Variants in EVL observed in about 807,000 individuals in gnomAD.
The protein encoded by EVL is ena/VASP-like protein.
Under a neutral mutation model 59.6 loss-of-function variants are expected in EVL, and 21 were observed. That is an observed-to-expected ratio of 0.35 (90% confidence interval 0.25 to 0.51). The LOEUF is 0.51. EVL is among the 20% of genes least tolerant of loss of function. EVL has a pLI of 0.97. For synonymous variants in EVL, 198 were observed against 203.5 expected (o/e 0.97, Z 0.23); for missense variants, 462 against 546.6 (o/e 0.85, Z 1.54).
chr14:100,052,696 T>G (rs552667089), intron 1 of EVL: 1 of 151,264 alleles, frequency 6.6e-6, no homozygotes, highest in African/African-American at 2.4e-5. Context: ...GAGGTTGCAG[T>G]GAGCAGAGAT....
intron 1 of EVL, among the ~76,000 whole-genome samples, chr14:100,084,209 G>C (rs2062383561): frequency 6.6e-6 from 1 of 151,976 alleles, no homozygotes; most frequent in African/African-American, 2.4e-5. Flanking sequence ...GTGCCACCGT[G>C]CCTGGCTAAT....
intron 2 of EVL, among the ~76,000 whole-genome samples, chr14:100,096,090 G>T (rs1428866830): frequency 6.6e-6 from 1 of 152,104 alleles, no homozygotes; most frequent in East Asian, 1.9e-4. Context: ...CCCTGCCTGT[G>T]CCTGTCATAG....
intron 3 of EVL, among the ~76,000 whole-genome samples, chr14:100,111,172 T>TC (rs1491036343): frequency 7.1e-6 from 1 of 140,146 alleles, no homozygotes; most frequent in African/African-American, 2.7e-5. Context: ...TTTTTTTTTT[T>TC]TGTGATAGAG....
At chr14:100,097,680 C>T (rs2140320560) in intron 3 of EVL, 22 bp downstream of exon 3, 2 of 1,585,322 alleles carry the variant, frequency 1.3e-6, no homozygotes, top group South Asian at 2.3e-5. Context: ...TTTGTCTTGG[C>T]CTGATGCTGA....
Position 100,143,791 on chromosome 14 carries a change from GC to G in EVL, c.*55del. The stretch of plus-strand genomic sequence containing the variant: ...CGAGCCCATCCGGCGACAGAGGACA[GC>G]CAGAAGCCCAGCCAGCCCCAGACTC... On this transcript the variant is annotated 3_prime_UTR_variant, in exon 14 of 14. Coordinates refer to ENST00000392920, the MANE Select transcript of EVL (RefSeq NM_016337.3). 6.3e-7 allele frequency: 1 copy of G among 1,593,140 alleles called. No individual in the cohort carries two copies. The highest frequency in any genetic ancestry group is 1.7e-5 in the Admixed American group (1 of 58,134).
intron 1 of EVL, among the ~76,000 whole-genome samples, chr14:99,975,415 A>G (rs896657251): frequency 1.3e-5 from 2 of 152,202 alleles, no homozygotes; most frequent in African/African-American, 2.4e-5. Context: ...ATCATCAGCC[A>G]TAAGTACTTC....
At chr14:100,024,079 A>G (rs2061171511) in intron 1 of EVL, among the ~76,000 whole-genome samples, 1 of 152,228 alleles carries the variant, frequency 6.6e-6, no homozygotes, top group African/African-American at 2.4e-5. Flanking sequence ...TAGTGTACCA[A>G]GATCTGAAAT....
chr14:100,100,537 T>TC (rs1394271203), intron 3 of EVL, among the ~76,000 whole-genome samples: 1 of 152,056 alleles, frequency 6.6e-6, no homozygotes, highest in Non-Finnish European at 1.5e-5. Flanking sequence ...CAAAAGGCCC[T>TC]CCCCGCAGTC....
At chr14:100,079,135 G>C (rs976094680) in intron 1 of EVL, among the ~76,000 whole-genome samples, 46 of 152,222 alleles carry the variant, frequency 3.0e-4, no homozygotes, top group African/African-American at 1.1e-3. Context: ...TGCACCTTTA[G>C]AGGCAGCAGA....
At chr14:100,142,855 G>T (rs1232152117) in intron 13 of EVL, among the ~76,000 whole-genome samples, 1 of 152,236 alleles carries the variant, frequency 6.6e-6, no homozygotes, top group African/African-American at 2.4e-5. Flanking sequence ...GCATAGCTGG[G>T]TCAGAAACCC....
At chr14:100,047,114 CTCTCT>C (rs66960494) in intron 1 of EVL, among the ~76,000 whole-genome samples, 40,757 of 94,578 alleles carry the variant, frequency 0.43, 13,595 homozygotes, top group Non-Finnish European at 0.57. Context: ...GCAGATCTCT[CTCTCT>C]TTTTTTTTTT....
intron 1 of EVL, among the ~76,000 whole-genome samples, chr14:100,071,402 T>A: frequency 6.6e-6 from 1 of 152,226 alleles, no homozygotes; most frequent in East Asian, 1.9e-4. Flanking sequence ...ATAATATTAC[T>A]AAGACATCAT....
At chr14:100,123,067 C>T (rs1887801246) in intron 3 of EVL, among the ~76,000 whole-genome samples, 1 of 152,214 alleles carries the variant, frequency 6.6e-6, no homozygotes. Context: ...CATCCGCCAG[C>T]TGTCAGTGTC....
At chr14:99,998,935 G>A (rs1281532821) in intron 1 of EVL, among the ~76,000 whole-genome samples, 1 of 151,942 alleles carries the variant, frequency 6.6e-6, no homozygotes, top group Non-Finnish European at 1.5e-5. Context: ...ACTATGTGGT[G>A]TATAATATTA....
rs527810359 is a variant in EVL at position 100,006,579 on chromosome 14, G to A, written c.5+34522G>A. On this transcript the variant is annotated intron_variant, in intron 1 of 13. Transcript: ENST00000402714. ...TGGGATTACAGGTGTGAGCCACTGC[G>A]CCCGGCATGTTAATCTTAACTTTAG... 5.3e-5 allele frequency among the ~76,000 whole-genome samples: 8 copies of A among 152,028 alleles called. No individual in the cohort carries two copies. In the South Asian group the frequency reaches 6.2e-4, roughly 12 times the overall value.
At chr14:100,097,258 C>T (rs1885877829) in intron 2 of EVL, among the ~76,000 whole-genome samples, 1 of 152,192 alleles carries the variant, frequency 6.6e-6, no homozygotes, top group Non-Finnish European at 1.5e-5. Context: ...GAGGTTGTAA[C>T]TACATAGCAT....
intron 1 of EVL, among the ~76,000 whole-genome samples, chr14:100,076,785 A>AG (rs2062172284): frequency 1.3e-5 from 2 of 152,152 alleles, no homozygotes; most frequent in Admixed American, 1.3e-4. Flanking sequence ...GACTAAGCCA[A>AG]GGGTTGGGTC....
Position 100,024,369 on chromosome 14 carries a change from C to T in EVL, c.5+52312C>T, listed in dbSNP as rs747265506. ...AAGAGCCCAAGCCAGCTTGGTCTCT[C>T]TCATTTTCCAGGCTCCTGTAGTACC... On this transcript the variant is annotated intron_variant, in intron 1 of 13. Coordinates refer to the EVL transcript ENST00000402714. 2.6e-5 allele frequency among the ~76,000 whole-genome samples: 4 copies of T among 152,334 alleles called. No individual in the cohort carries two copies. The South Asian group carries it at 8.3e-4, about 32-fold the overall frequency.
chr14:99,978,666 T>G (rs1385764458), intron 1 of EVL, among the ~76,000 whole-genome samples: 1 of 152,232 alleles, frequency 6.6e-6, no homozygotes, highest in African/African-American at 2.4e-5. Flanking sequence ...TGTTGTCAGT[T>G]GATTTGATTT....
Sources: gnomAD v4.1 joint callset for allele counts (sites outside exome capture counted in the v4.1 genomes callset) on GRCh38, gnomAD v4.1.1 for gene constraint, MANE v1.5 for transcripts, NCBI Gene and HGNC (gene_info 2026-07-23, HGNC 2026-07-21) for gene names.